The following KIFAP3 variants were observed in gnomAD, a reference collection of about 807,000 sequenced individuals.
KIFAP3 encodes kinesin-associated protein 3.
KIFAP3 carries 68 observed loss-of-function variants against 106.5 expected under a neutral mutation model. The ratio of observed to expected loss-of-function variants is 0.64; its 90% CI spans 0.53 to 0.78. The LOEUF (loss-of-function observed/expected upper bound fraction) is 0.78, where lower values mean the gene tolerates loss of function less well. Among genes scored for constraint, KIFAP3 ranks in the 30% least tolerant of loss-of-function variants. The pLI is 0.00. For synonymous variants in KIFAP3, 320 were observed against 311.5 expected (o/e 1.03, Z -0.29); for missense variants, 780 against 941.8 (o/e 0.83, Z 2.25).
chr1:169,957,707 A>AACCTCC (rs1256505702), intron 18 of KIFAP3, among the ~76,000 whole-genome samples: 1 of 151,964 alleles, frequency 6.6e-6, no homozygotes, highest in African/African-American at 2.4e-5. Flanking sequence ...GGCACACTGC[A>AACCTCC]ACCTCCACCT....
intron 11 of KIFAP3, among the ~76,000 whole-genome samples, chr1:169,991,511 T>A (rs1029627597): frequency 3.9e-5 from 6 of 152,162 alleles, no homozygotes; most frequent in Non-Finnish European, 8.8e-5. Context: ...AGAACAATAA[T>A]ATCCAGTGTT....
At chr1:170,047,298 G>T (rs960050971) in intron 2 of KIFAP3, among the ~76,000 whole-genome samples, 14 of 151,784 alleles carry the variant, frequency 9.2e-5, no homozygotes, top group African/African-American at 3.4e-4. Flanking sequence ...TGTTCTGGTG[G>T]TAACTATATA....
intron 19 of KIFAP3, among the ~76,000 whole-genome samples, chr1:169,947,815 G>A (rs951509603): frequency 2.6e-5 from 4 of 151,588 alleles, no homozygotes; most frequent in African/African-American, 9.7e-5. Context: ...TAAGGAAGAG[G>A]AAAATTAAAA....
At chr1:170,083,050 T>C (rs1672044721) in intron 1 of KIFAP3, among the ~76,000 whole-genome samples, 1 of 152,038 alleles carries the variant, frequency 6.6e-6, no homozygotes, top group African/African-American at 2.4e-5. Context: ...CACAGTGTGA[T>C]AGAGAAAACC....
chr1:169,929,106 A>G (rs1385486461), intron 19 of KIFAP3, among the ~76,000 whole-genome samples: 1 of 152,142 alleles, frequency 6.6e-6, no homozygotes, highest in Non-Finnish European at 1.5e-5. Flanking sequence ...CTAGATGGAG[A>G]GCTTGTCTTA....
At chr1:169,942,722 C>CTAAA (rs1664198370) in intron 19 of KIFAP3, among the ~76,000 whole-genome samples, 2 of 152,156 alleles carry the variant, frequency 1.3e-5, no homozygotes, top group African/African-American at 4.8e-5. Context: ...GGACTGGAAA[C>CTAAA]TAAATAAACC....
intron 19 of KIFAP3, among the ~76,000 whole-genome samples, chr1:169,930,523 T>C (rs1410731976): frequency 2.0e-5 from 3 of 152,230 alleles, no homozygotes; most frequent in Non-Finnish European, 4.4e-5. Flanking sequence ...CTCATGTGCA[T>C]GAAACAAGCT....
chr1:169,978,823 T>A (rs954195215), intron 15 of KIFAP3, among the ~76,000 whole-genome samples: 1 of 152,048 alleles, frequency 6.6e-6, no homozygotes, highest in Admixed American at 6.6e-5. Flanking sequence ...AGAAACAGAG[T>A]TTCAGGTCAA....
chr1:169,982,724 G>A lies in KIFAP3; in HGVS notation c.1650C>T (p.Tyr550=). 5.0e-6 allele frequency: 8 copies of A among 1,604,538 alleles called. No individual in the cohort carries two copies. The highest frequency in any genetic ancestry group is 6.8e-6 in the Non-Finnish European group (8 of 1,175,300). The part of the protein sequence containing the change: ...LVLKEYKLVP[Y]LKDKLKPGAA... ...AACCTGGTTTTAGTTTATCCTTGAG[G>A]TATGGAACCAACTTATATTCTTTAA... is the stretch of plus-strand genomic sequence containing the variant. The change falls in exon 14 of 20, where the codon TAC becomes TAT. Residue 550 remains tyrosine (Y), a synonymous_variant. Transcript: ENST00000361580.
intron 12 of KIFAP3, among the ~76,000 whole-genome samples, chr1:169,983,933 T>C (rs1666657319): frequency 6.6e-6 from 1 of 151,862 alleles, no homozygotes; most frequent in Non-Finnish European, 1.5e-5. Flanking sequence ...TAGACAATTT[T>C]GCAGTTATTA....
intron 10 of KIFAP3, among the ~76,000 whole-genome samples, chr1:169,997,801 T>C (rs1198581302): frequency 1.4e-5 from 2 of 140,426 alleles, no homozygotes; most frequent in Non-Finnish European, 3.0e-5. Context: ...ATCTGGGAGA[T>C]GGTGGTTGCA....
At chr1:170,023,011 T>G (rs1404200721) in intron 9 of KIFAP3, among the ~76,000 whole-genome samples, 2 of 152,100 alleles carry the variant, frequency 1.3e-5, no homozygotes. Flanking sequence ...AGAACATACC[T>G]TAACTTATAG....
chr1:169,973,124 A>ATATATATATATAT (rs1361338751), intron 16 of KIFAP3, among the ~76,000 whole-genome samples: 1 of 48,726 alleles, frequency 2.1e-5, no homozygotes, highest in Non-Finnish European at 3.8e-5. Flanking sequence ...TATATATATA[A>ATATATATATATAT]ACAACACAAA....
At chr1:170,012,315 T>A (rs1668283447) in intron 10 of KIFAP3, among the ~76,000 whole-genome samples, 1 of 152,042 alleles carries the variant, frequency 6.6e-6, no homozygotes, top group East Asian at 1.9e-4. Flanking sequence ...GGCATGGTAA[T>A]AATATTTATG....
chr1:170,001,730 T>C (rs1667678148), intron 10 of KIFAP3, among the ~76,000 whole-genome samples: 1 of 152,140 alleles, frequency 6.6e-6, no homozygotes, highest in South Asian at 2.1e-4. Flanking sequence ...AAAATCTACT[T>C]TAAGTTTCTT....
chr1:170,033,669 T>A (rs1231937308), intron 7 of KIFAP3, among the ~76,000 whole-genome samples: 1 of 151,668 alleles, frequency 6.6e-6, no homozygotes. Context: ...CTAGAACCAA[T>A]GGATAGAAGT....
At chr1:170,079,376 A>G (rs547908106), upstream of KIFAP3, among the ~76,000 whole-genome samples, 1 of 152,270 alleles carries the variant, frequency 6.6e-6, no homozygotes, top group Admixed American at 6.5e-5. Context: ...AACCAAATAA[A>G]CTTTCTTTAT....
upstream of KIFAP3, among the ~76,000 whole-genome samples, chr1:170,075,177 A>G (rs972540190): frequency 2.0e-5 from 3 of 152,082 alleles, no homozygotes; most frequent in Non-Finnish European, 2.9e-5. Context: ...TGAAATTCCA[A>G]CTCCACCAAT....
chr1:169,969,946 A>G (rs1160056600), intron 17 of KIFAP3, among the ~76,000 whole-genome samples: 1 of 152,050 alleles, frequency 6.6e-6, no homozygotes, highest in Non-Finnish European at 1.5e-5. Flanking sequence ...CTTAATAAAC[A>G]TGTATTAAAT....
Sources: allele counts gnomAD v4.1 joint callset (sites outside exome capture counted in the v4.1 genomes callset), GRCh38; gene constraint gnomAD v4.1.1; transcripts MANE v1.5; gene names NCBI Gene and HGNC (gene_info 2026-07-23, HGNC 2026-07-21).